FBN2: variants seen among roughly 807,000 people sequenced by gnomAD.
FBN2 encodes fibrillin-2.
Under a neutral mutation model 355.6 loss-of-function variants are expected in FBN2, and 105 were observed. The observed-to-expected ratio is 0.30, with a 90% CI of 0.25 to 0.35. The LOEUF is 0.35. FBN2 is among the 10% of genes least tolerant of loss of function. FBN2 has a pLI of 1.00. For missense variants in FBN2, 3,280 were observed against 3,758.7 expected, an observed-to-expected ratio of 0.87 and a Z score of 3.33; for synonymous variants, 1,350 against 1,301.2, an observed-to-expected ratio of 1.04 and a Z score of -0.81.
At chr5:128,447,112 G>A (rs1754086236) in intron 6 of FBN2, among the ~76,000 whole-genome samples, 1 of 152,092 alleles carries the variant, frequency 6.6e-6, no homozygotes, top group South Asian at 2.1e-4. Context: ...GTAAGCTGAG[G>A]ATGTAGGTCG....
intron 8 of FBN2, among the ~76,000 whole-genome samples, chr5:128,403,798 T>C (rs1048538671): frequency 6.6e-6 from 1 of 151,962 alleles, no homozygotes; most frequent in Non-Finnish European, 1.5e-5. Flanking sequence ...ACTAGATAGA[T>C]AAACAAATCA....
At chr5:128,483,470 A>G (rs1755250206) in intron 5 of FBN2, among the ~76,000 whole-genome samples, 1 of 152,090 alleles carries the variant, frequency 6.6e-6, no homozygotes, top group South Asian at 2.1e-4. Flanking sequence ...AAAATCACAG[A>G]CAGCCTTTTG....
At chr5:128,500,247 C>CAA (rs763691949) in intron 5 of FBN2, among the ~76,000 whole-genome samples, 1 of 151,560 alleles carries the variant, frequency 6.6e-6, no homozygotes, top group Non-Finnish European at 1.5e-5. Flanking sequence ...ACAACAACAA[C>CAA]AACAACAACA....
chr5:128,527,391 T>C (rs1756589751), intron 4 of FBN2, among the ~76,000 whole-genome samples: 1 of 152,148 alleles, frequency 6.6e-6, no homozygotes, highest in South Asian at 2.1e-4. Flanking sequence ...TGTATCTTAG[T>C]ATTAAATATA....
chr5:128,430,405 A>T (rs2127029547), intron 7 of FBN2, among the ~76,000 whole-genome samples: 1 of 152,170 alleles, frequency 6.6e-6, no homozygotes, highest in Non-Finnish European at 1.5e-5. Flanking sequence ...TTACTTCCTT[A>T]TGTTTTACAT....
At chr5:128,477,883 T>G (rs2127103135) in intron 5 of FBN2, among the ~76,000 whole-genome samples, 1 of 152,332 alleles carries the variant, frequency 6.6e-6, no homozygotes, top group Non-Finnish European at 1.5e-5. Flanking sequence ...CTGTACTAAT[T>G]TATCCCTTCC....
rs139249071 is a variant in FBN2 at position 128,325,629 on chromosome 5, T to C, written c.4471+3067A>G. ...TAGGCTTTGTATATTCAGTTCTTTGTTTTATTGCAGGAAAATGTTTGGTTG... is the reference window on the plus strand; with the variant it reads ...TAGGCTTTGTATATTCAGTTCTTTGCTTTATTGCAGGAAAATGTTTGGTTG... On this transcript the variant is annotated intron_variant, in intron 34 of 64. Coordinates refer to ENST00000262464, the MANE Select transcript of FBN2 (RefSeq NM_001999.4). Among the ~76,000 whole-genome samples, 126 of 152,330 alleles carry C rather than the reference T, an allele frequency of 8.3e-4. 1 individual carries two copies. Among genetic ancestry groups the C allele is most frequent in the Non-Finnish European group, 1.5e-3 (102 of 68,030 alleles).
chr5:128,443,812 ATT>A (rs987016928), intron 7 of FBN2, among the ~76,000 whole-genome samples: 1 of 152,156 alleles, frequency 6.6e-6, no homozygotes, highest in Non-Finnish European at 1.5e-5. Flanking sequence ...TTGCACTGTA[ATT>A]CACATAATAA....
At chr5:128,337,871 A>T (rs1360911374) in intron 27 of FBN2, 126 bp downstream of exon 27, 2 of 970,150 alleles carry the variant, frequency 2.1e-6, no homozygotes, top group African/African-American at 3.2e-5. Flanking sequence ...GATGTAGGGA[A>T]TCTCAATTTC....
At chr5:128,291,382 T>C in intron 49 of FBN2, 147 bp downstream of exon 49, 1 of 839,716 alleles carries the variant, frequency 1.2e-6, no homozygotes, top group Non-Finnish European at 2.0e-6. Context: ...GTTCATTGCT[T>C]ATGTTTGAGA....
intron 17 of FBN2, 111 bp from the exon 18 acceptor site, chr5:128,364,836 T>TGTGAGTTTG: frequency 1.1e-6 from 1 of 920,096 alleles, no homozygotes. Flanking sequence ...CTCTGCAAAC[T>TGTGAGTTTG]CACAATTTGC....
intron 7 of FBN2, among the ~76,000 whole-genome samples, chr5:128,443,273 A>C (rs1235965331): frequency 6.6e-6 from 1 of 152,222 alleles, no homozygotes; most frequent in Non-Finnish European, 1.5e-5. Flanking sequence ...AAATGCTAAG[A>C]TGAAGCAAAA....
intron 34 of FBN2, among the ~76,000 whole-genome samples, chr5:128,324,924 T>C (rs73345215): frequency 0.04 from 6,049 of 152,200 alleles, 406 homozygotes; most frequent in African/African-American, 0.14. Context: ...CGGCCATGAG[T>C]GAGTTTCTTA....
At position 128,392,180 on chromosome 5, in the gene FBN2, T is replaced by C; in HGVS notation, c.1466-25A>G. ...GCTACGGAAAATTAAAGCACAATTATATTTAATCATTACAACATGCATTAC... is the reference window on the plus strand; with the variant it reads ...GCTACGGAAAATTAAAGCACAATTACATTTAATCATTACAACATGCATTAC... On this transcript the variant is annotated intron_variant, in intron 10 of 64. Transcript: ENST00000262464. 1.9e-6 allele frequency: 3 copies of C among 1,602,862 alleles called. No individual in the cohort carries two copies. In the African/African-American group the frequency reaches 4.0e-5, roughly 21 times the overall value.
chr5:128,358,308 G>A (rs1447415102), intron 19 of FBN2, among the ~76,000 whole-genome samples: 1 of 152,094 alleles, frequency 6.6e-6, no homozygotes, highest in Non-Finnish European at 1.5e-5. Context: ...GTGGCACACA[G>A]TTTTCCTTCT....
chr5:128,488,813 C>T (rs1295279026), intron 5 of FBN2, among the ~76,000 whole-genome samples: 5 of 151,824 alleles, frequency 3.3e-5, no homozygotes, highest in East Asian at 1.9e-4. Context: ...ATCCATGTCC[C>T]TACAAAGGAC....
chr5:128,431,123 G>GA (rs1236223961), intron 7 of FBN2, among the ~76,000 whole-genome samples: 2 of 152,114 alleles, frequency 1.3e-5, no homozygotes, highest in Non-Finnish European at 2.9e-5. Context: ...ACGAAGAGTA[G>GA]AAAAAATAGG....
chr5:128,268,117 A>G (rs1224814117), intron 62 of FBN2, among the ~76,000 whole-genome samples: 1 of 152,188 alleles, frequency 6.6e-6, no homozygotes, highest in Admixed American at 6.5e-5. Flanking sequence ...AAAATTAACA[A>G]AATACACCAC....
chr5:128,438,279 C>T (rs995713420), intron 7 of FBN2, among the ~76,000 whole-genome samples: 2 of 152,212 alleles, frequency 1.3e-5, no homozygotes, highest in African/African-American at 2.4e-5. Context: ...ATGTGTGTGC[C>T]GCCGTGCCCG....
Sources: allele counts gnomAD v4.1 joint callset (sites outside exome capture counted in the v4.1 genomes callset), GRCh38; gene constraint gnomAD v4.1.1; transcripts MANE v1.5; gene names NCBI Gene and HGNC (gene_info 2026-07-23, HGNC 2026-07-21).